KHDRBS2: variants seen among roughly 807,000 people sequenced by gnomAD.
KHDRBS2 encodes KH RNA binding domain containing, signal transduction associated 2.
In KHDRBS2, 26 loss-of-function variants were observed where a neutral mutation model predicts 44.3. The observed-to-expected ratio is 0.59, with a 90% CI of 0.43 to 0.81. The LOEUF (loss-of-function observed/expected upper bound fraction) is 0.81. KHDRBS2 is among the 40% of genes least tolerant of loss of function. KHDRBS2 has a pLI of 0.00. For missense variants in KHDRBS2, 476 were observed against 433.1 expected (o/e 1.10, Z -0.88); for synonymous variants, 194 against 151.1 (o/e 1.28, Z -2.08).
At chr6:61,757,977 A>G (rs1419876298) in intron 6 of KHDRBS2, among the ~76,000 whole-genome samples, 1 of 152,112 alleles carries the variant, frequency 6.6e-6, no homozygotes. Context: ...TTATTCCCAT[A>G]CAGGTACTGA....
intron 6 of KHDRBS2, among the ~76,000 whole-genome samples, chr6:61,774,426 C>G (rs1781578108): frequency 6.6e-6 from 1 of 152,142 alleles, no homozygotes; most frequent in South Asian, 2.1e-4. Context: ...TCTCCTTAAG[C>G]TGATAAGCAA....
intron 6 of KHDRBS2, among the ~76,000 whole-genome samples, chr6:61,826,101 C>A (rs1288250899): frequency 6.6e-6 from 1 of 152,028 alleles, no homozygotes; most frequent in African/African-American, 2.4e-5. Context: ...TTTTATTTTT[C>A]CCCTAAATTA....
the KHDRBS2 span, among the ~76,000 whole-genome samples, chr6:61,638,615 A>C: frequency 1.3e-5 from 2 of 152,184 alleles, no homozygotes; most frequent in Non-Finnish European, 2.9e-5. Flanking sequence ...TTCATGTCTA[A>C]AACACCAAAA....
At position 61,982,720 on chromosome 6, in the gene KHDRBS2, A is replaced by G. The variant is rs373815282; in HGVS notation, c.337-4508T>C. Among the ~76,000 whole-genome samples, 332 of 151,860 alleles carry G rather than the reference A, an allele frequency of 2.2e-3. 1 individual carries two copies. The highest frequency in any genetic ancestry group is 7.8e-3 in the African/African-American group (323 of 41,456). On this transcript the variant is annotated intron_variant, in intron 3 of 8. Coordinates refer to ENST00000281156, the MANE Select transcript of KHDRBS2 (RefSeq NM_152688.4). Reference sequence around the variant, plus strand: ...ACCACAAGACTGATTAAAGATTTTCAGAACTATAGTGGAGACACTGAGGAG... The same window carrying G: ...ACCACAAGACTGATTAAAGATTTTCGGAACTATAGTGGAGACACTGAGGAG...
intron 1 of KHDRBS2, among the ~76,000 whole-genome samples, chr6:62,205,816 C>T (rs1483508101): frequency 6.6e-6 from 1 of 152,090 alleles, no homozygotes; most frequent in Non-Finnish European, 1.5e-5. Flanking sequence ...AACTGTCTAT[C>T]ATGGATTACT....
At chr6:62,199,688 C>A (rs1277300147) in intron 1 of KHDRBS2, among the ~76,000 whole-genome samples, 1 of 152,094 alleles carries the variant, frequency 6.6e-6, no homozygotes, top group African/African-American at 2.4e-5. Flanking sequence ...CAATGCCATC[C>A]CCATCAAGCT....
chr6:62,229,135 C>G (rs556579603), intron 1 of KHDRBS2, among the ~76,000 whole-genome samples: 32 of 152,202 alleles, frequency 2.1e-4, no homozygotes, highest in East Asian at 3.9e-4. Context: ...TTTGTGGAGA[C>G]TATGGTCACC....
At chr6:62,072,350 A>T (rs1427853613) in intron 2 of KHDRBS2, among the ~76,000 whole-genome samples, 3 of 152,148 alleles carry the variant, frequency 2.0e-5, no homozygotes, top group East Asian at 3.8e-4. Context: ...CTCCTGCCTG[A>T]TTGCCCTGGC....
chr6:61,891,812 C>G (rs994026921), intron 6 of KHDRBS2, among the ~76,000 whole-genome samples: 4 of 152,168 alleles, frequency 2.6e-5, no homozygotes, highest in Admixed American at 2.0e-4. Context: ...TGGGCAAAAA[C>G]TGGAAGTATT....
chr6:61,797,722 GTT>G lies in KHDRBS2; in HGVS notation c.811-64960_811-64959del, dbSNP rs1491354482. ...ATAACTGATACTGTGTCAGTATGGT[GTT>G]TTGTGTGTGTGTGTGTGTGTGTGTG... On this transcript the variant is annotated intron_variant, in intron 6 of 8. Transcript: ENST00000281156. Among the ~76,000 whole-genome samples the G allele has an allele frequency of 3.7e-3, 363 of 98,612 alleles. 5 individuals carry two copies. The highest frequency in any genetic ancestry group is 6.8e-3 in the African/African-American group (168 of 24,570). 64.7% of individuals were successfully genotyped at this position (98,612 alleles called of 152,430 possible).
At chr6:62,013,860 G>C (rs1246674873) in intron 3 of KHDRBS2, among the ~76,000 whole-genome samples, 1 of 152,156 alleles carries the variant, frequency 6.6e-6, no homozygotes, top group African/African-American at 2.4e-5. Flanking sequence ...CACTGATGTG[G>C]CAAATCGCAG....
intron 8 of KHDRBS2, among the ~76,000 whole-genome samples, chr6:61,692,590 G>A (rs978470244): frequency 6.6e-6 from 1 of 151,844 alleles, no homozygotes; most frequent in African/African-American, 2.4e-5. Context: ...TAAAATATAG[G>A]CCCCAAGGAG....
chr6:61,548,132 A>T, the KHDRBS2 span, among the ~76,000 whole-genome samples: 1 of 152,184 alleles, frequency 6.6e-6, no homozygotes, highest in African/African-American at 2.4e-5. Flanking sequence ...GAGAATAGAA[A>T]ATCTGTTTTA....
chr6:61,971,711 G>A (rs1160172784), intron 4 of KHDRBS2, among the ~76,000 whole-genome samples: 1 of 151,864 alleles, frequency 6.6e-6, no homozygotes, highest in Non-Finnish European at 1.5e-5. Context: ...GTATGGTGGT[G>A]GTCTTTGCCA....
intron 7 of KHDRBS2, among the ~76,000 whole-genome samples, chr6:61,723,033 T>A (rs1399979513): frequency 6.6e-6 from 1 of 152,086 alleles, no homozygotes; most frequent in Non-Finnish European, 1.5e-5. Context: ...CAGGCTGCCA[T>A]CTTTGATGTT....
intron 7 of KHDRBS2, among the ~76,000 whole-genome samples, chr6:61,698,025 C>G (rs1209477546): frequency 6.6e-6 from 1 of 152,178 alleles, no homozygotes; most frequent in Non-Finnish European, 1.5e-5. Context: ...ACTCTTTTCA[C>G]TGACTCTTCT....
the KHDRBS2 span, among the ~76,000 whole-genome samples, chr6:61,589,428 A>G: frequency 6.6e-6 from 1 of 152,322 alleles, no homozygotes; most frequent in Admixed American, 6.5e-5. Flanking sequence ...CCTATAGTTA[A>G]GAGTAAGTAT....
In KHDRBS2 at chr6:62,226,758, CA is replaced by C. The variant is rs1340800759; in HGVS notation, c.92-49447del. On this transcript the variant is annotated intron_variant, in intron 1 of 8. Transcript: ENST00000281156. ...TCTGCATATGTCTAGCCAGTTTTCC[CA>C]GCACCATCTATTGAATAGGAGATCC... Among the ~76,000 whole-genome samples, 7 of 152,104 alleles carry C rather than the reference CA, an allele frequency of 4.6e-5. 1 individual carries two copies. Among genetic ancestry groups the C allele is most frequent in the Admixed American group, 4.6e-4 (7 of 15,266 alleles).
chr6:61,708,351 A>T (rs1180479854), intron 7 of KHDRBS2, among the ~76,000 whole-genome samples: 1 of 151,636 alleles, frequency 6.6e-6, no homozygotes, highest in Admixed American at 6.6e-5. Context: ...CATTTTGTGT[A>T]CTAAAAAATA....
Sources: gnomAD v4.1 joint callset for allele counts (sites outside exome capture counted in the v4.1 genomes callset) on GRCh38, gnomAD v4.1.1 for gene constraint, MANE v1.5 for transcripts, NCBI Gene and HGNC (gene_info 2026-07-23, HGNC 2026-07-21) for gene names.